The following COMMD10 variants were observed in gnomAD, a reference collection of about 807,000 sequenced individuals.
COMMD10 encodes COMM domain-containing protein 10.
In COMMD10, 33 loss-of-function variants were observed where a neutral mutation model predicts 28.9. The observed-to-expected ratio is 1.14, with a 90% CI of 0.87 to 1.53. The LOEUF (loss-of-function observed/expected upper bound fraction) is 1.53. COMMD10 is among the 40% of genes most tolerant of loss of function. The pLI is 0.00. For missense variants in COMMD10, 310 were observed against 233.4 expected, an observed-to-expected ratio of 1.33 and a Z score of -2.14; for synonymous variants, 110 against 81.7, an observed-to-expected ratio of 1.35 and a Z score of -1.87.
At chr5:116,146,027 G>T (rs1752338816) in intron 5 of COMMD10, among the ~76,000 whole-genome samples, 1 of 151,874 alleles carries the variant, frequency 6.6e-6, no homozygotes, top group Non-Finnish European at 1.5e-5. Flanking sequence ...GCCTCAAATA[G>T]ATGCATTATT....
chr5:116,222,795 G>A (rs1014561318), intron 5 of COMMD10, among the ~76,000 whole-genome samples: 7 of 152,056 alleles, frequency 4.6e-5, no homozygotes, highest in Admixed American at 2.0e-4. Flanking sequence ...AGGTTTAAGC[G>A]ATTCTCCTGC....
At position 116,267,030 on chromosome 5, in the gene COMMD10, G is replaced by C. The variant is rs545819510; in HGVS notation, c.511-24487G>C. ...AAACTGGAAGCATTCCCTTTGAAAA[G>C]TGGCACAAGACAAGGATGCCCTCTC... On this transcript the variant is annotated intron_variant, in intron 5 of 6. Coordinates refer to ENST00000274458, the MANE Select transcript of COMMD10 (RefSeq NM_016144.4). Among the ~76,000 whole-genome samples the C allele has an allele frequency of 2.5e-3, 386 of 151,786 alleles. 3 individuals are homozygous for C. Among genetic ancestry groups the C allele is most frequent in the Non-Finnish European group, 3.2e-3 (217 of 67,938 alleles).
chr5:116,266,914 T>G (rs1750602239), intron 5 of COMMD10, among the ~76,000 whole-genome samples: 1 of 151,890 alleles, frequency 6.6e-6, no homozygotes, highest in African/African-American at 2.4e-5. Flanking sequence ...TGCTAAACAC[T>G]CTCAATAAAT....
At chr5:116,244,241 A>G (rs1286618215) in intron 5 of COMMD10, among the ~76,000 whole-genome samples, 1 of 152,064 alleles carries the variant, frequency 6.6e-6, no homozygotes, top group East Asian at 1.9e-4. Context: ...CAACTTGTCT[A>G]CATCACCAGG....
At chr5:116,142,793 G>A (rs558801657) in intron 5 of COMMD10, among the ~76,000 whole-genome samples, 41 of 151,652 alleles carry the variant, frequency 2.7e-4, no homozygotes, top group African/African-American at 9.9e-4. Flanking sequence ...AGAACATGTA[G>A]AAGGAATCTG....
At chr5:116,283,594 G>C (rs140747681) in intron 5 of COMMD10, among the ~76,000 whole-genome samples, 7,974 of 151,658 alleles carry the variant, frequency 0.053, 298 homozygotes, top group East Asian at 0.14. Context: ...TGATCTGCCT[G>C]CCTTGGCTTC....
intron 5 of COMMD10, among the ~76,000 whole-genome samples, chr5:116,288,595 T>A (rs1751282542): frequency 6.6e-6 from 1 of 151,754 alleles, no homozygotes; most frequent in Non-Finnish European, 1.5e-5. Context: ...ACCTGGTTGA[T>A]ATTGTCCTAA....
chr5:116,229,990 A>G (rs1002062122), intron 5 of COMMD10, among the ~76,000 whole-genome samples: 1 of 151,750 alleles, frequency 6.6e-6, no homozygotes, highest in South Asian at 2.1e-4. Flanking sequence ...AGACTAGCTT[A>G]CTCCCTGTTA....
chr5:116,217,508 C>T (rs981535332), intron 5 of COMMD10, among the ~76,000 whole-genome samples: 1 of 152,172 alleles, frequency 6.6e-6, no homozygotes, highest in Non-Finnish European at 1.5e-5. Context: ...CAGAATTTAT[C>T]TGAAGATCCA....
At chr5:116,192,135 C>T (rs573352127) in intron 5 of COMMD10, among the ~76,000 whole-genome samples, 2 of 152,026 alleles carry the variant, frequency 1.3e-5, no homozygotes, top group Non-Finnish European at 2.9e-5. Context: ...CAAGGGAACA[C>T]CCCATGGGAC....
At position 116,293,017 on chromosome 5, in the gene COMMD10, A is replaced by G; in HGVS notation, c.*528A>G. Reference sequence around the variant, plus strand: ...AAGGAAATGTAAAATAGTGAGTAGTATGGTATCAGTTAATTCCAGTCTGAG... The same window carrying G: ...AAGGAAATGTAAAATAGTGAGTAGTGTGGTATCAGTTAATTCCAGTCTGAG... On this transcript the variant is annotated 3_prime_UTR_variant, in exon 7 of 7. Transcript: ENST00000274458. 7.5e-6 allele frequency: 3 copies of G among 397,408 alleles called. No homozygotes were observed. Among genetic ancestry groups the G allele is most frequent in the Non-Finnish European group, 1.3e-5 (3 of 225,284 alleles). The allele number at this position is 397,408 out of a possible 1,614,324, so 24.6% of individuals were successfully genotyped here.
At chr5:116,212,318 C>A (rs1561669752) in intron 5 of COMMD10, among the ~76,000 whole-genome samples, 1 of 152,150 alleles carries the variant, frequency 6.6e-6, no homozygotes, top group Non-Finnish European at 1.5e-5. Flanking sequence ...TAGTAATCCT[C>A]TCTCCAGGCA....
chr5:116,117,037 CAT>C (rs1249584213), intron 4 of COMMD10, among the ~76,000 whole-genome samples: 1 of 152,090 alleles, frequency 6.6e-6, no homozygotes, highest in Non-Finnish European at 1.5e-5. Flanking sequence ...GTAATGGACT[CAT>C]ATAATATGTA....
chr5:116,283,564 C>G (rs775819911), intron 5 of COMMD10, among the ~76,000 whole-genome samples: 12 of 151,572 alleles, frequency 7.9e-5, no homozygotes, highest in Non-Finnish European at 1.6e-4. Flanking sequence ...CCAGGCTGGT[C>G]TCGAACTCCT....
intron 4 of COMMD10, among the ~76,000 whole-genome samples, chr5:116,107,912 A>C (rs1750896489): frequency 6.6e-6 from 1 of 152,074 alleles, no homozygotes; most frequent in Admixed American, 6.5e-5. Flanking sequence ...CTTTCTGTTT[A>C]TTAGTTTTCC....
intron 5 of COMMD10, among the ~76,000 whole-genome samples, chr5:116,231,223 C>T (rs1318926073): frequency 6.6e-6 from 1 of 152,136 alleles, no homozygotes; most frequent in Admixed American, 6.5e-5. Flanking sequence ...GAGATAGAAT[C>T]ATTAATCCAG....
intron 5 of COMMD10, among the ~76,000 whole-genome samples, chr5:116,207,743 C>G (rs775816783): frequency 9.9e-5 from 15 of 152,266 alleles, no homozygotes; most frequent in South Asian, 2.1e-4. Flanking sequence ...CCAGGCTAGT[C>G]TCTAACTCCC....
intron 4 of COMMD10, among the ~76,000 whole-genome samples, chr5:116,097,732 G>A (rs1351387546): frequency 6.6e-6 from 1 of 152,116 alleles, no homozygotes; most frequent in Admixed American, 6.6e-5. Flanking sequence ...GGCTTCTGGG[G>A]AGGCCTCAGG....
chr5:116,280,097 G>T (rs1580607991), intron 5 of COMMD10, among the ~76,000 whole-genome samples: 1 of 151,940 alleles, frequency 6.6e-6, no homozygotes, highest in South Asian at 2.1e-4. Flanking sequence ...TCACCGTTAT[G>T]GGCGCCATTT....
Sources: allele counts gnomAD v4.1 joint callset (sites outside exome capture counted in the v4.1 genomes callset), GRCh38; gene constraint gnomAD v4.1.1; transcripts MANE v1.5; gene names NCBI Gene and HGNC (gene_info 2026-07-23, HGNC 2026-07-21).